Variants in FRMPD4 observed in about 807,000 individuals in gnomAD.
FRMPD4 encodes FERM and PDZ domain containing 4.
A neutral mutation model predicts 94.1 loss-of-function variants in FRMPD4; 22 were observed. The ratio of observed to expected loss-of-function variants is 0.23; its 90% CI spans 0.17 to 0.33. The LOEUF is 0.33. Ranked by LOEUF, FRMPD4 falls within the 10% of genes least tolerant of loss-of-function variation. FRMPD4 has a pLI of 1.00. For synonymous variants in FRMPD4, 631 were observed against 548.6 expected, an observed-to-expected ratio of 1.15 and a Z score of -2.10; for missense variants, 1,111 against 1,339.9, an observed-to-expected ratio of 0.83 and a Z score of 2.67.
chrX:12,612,018 C>T (rs897061913), intron 3 of FRMPD4, among the ~76,000 whole-genome samples: 1 of 110,888 alleles, frequency 9.0e-6, no homozygotes, highest in South Asian at 3.8e-4. Context: ...TCCGTGCATA[C>T]ACAAACACAC....
intron 1 of FRMPD4, among the ~76,000 whole-genome samples, chrX:12,229,921 G>T (rs2056965249): frequency 8.9e-6 from 1 of 112,293 alleles, no homozygotes; most frequent in African/African-American, 3.2e-5. Context: ...TTTGCAGTAT[G>T]TATTGACCTC....
At chrX:12,349,838 A>G (rs755615390) in intron 1 of FRMPD4, among the ~76,000 whole-genome samples, 11 of 111,817 alleles carry the variant, frequency 9.8e-5, no homozygotes, top group Non-Finnish European at 2.1e-4. Context: ...ATTTCCTCGT[A>G]TTTCATAGTC....
At chrX:12,603,325 A>G (rs1468997046) in intron 2 of FRMPD4, among the ~76,000 whole-genome samples, 1 of 111,971 alleles carries the variant, frequency 8.9e-6, no homozygotes, top group Non-Finnish European at 1.9e-5. Flanking sequence ...TTTGAAAAGG[A>G]CTTTGCTGGC....
chrX:12,173,063 T>C (rs772770307), intron 1 of FRMPD4, among the ~76,000 whole-genome samples: 2 of 112,782 alleles, frequency 1.8e-5, no homozygotes, highest in South Asian at 7.3e-4. Context: ...GCTGCAGCTC[T>C]TGGTTTCAAA....
At chrX:12,384,433 A>G (rs1297724516) in intron 1 of FRMPD4, among the ~76,000 whole-genome samples, 1 of 111,430 alleles carries the variant, frequency 9.0e-6, no homozygotes, top group Non-Finnish European at 1.9e-5. Flanking sequence ...TGGGAAGATC[A>G]CTTGAGCCCA....
At chrX:11,879,512 A>G (rs760605603) in intron 3 of FRMPD4, among the ~76,000 whole-genome samples, 28 of 111,319 alleles carry the variant, frequency 2.5e-4, no homozygotes, top group Non-Finnish European at 4.3e-4. Flanking sequence ...CTTGACTATT[A>G]TAGCATCTAT....
intron 2 of FRMPD4, among the ~76,000 whole-genome samples, chrX:12,522,534 A>G (rs1602066247): frequency 1.8e-5 from 2 of 109,857 alleles, no homozygotes; most frequent in African/African-American, 6.7e-5. Flanking sequence ...GAAGATTACA[A>G]TTTATAAACT....
chrX:12,396,662 C>A lies in FRMPD4; in HGVS notation c.42-102018C>A, dbSNP rs1350675761. Among the ~76,000 whole-genome samples, 18 of 111,859 alleles carry A rather than the reference C, an allele frequency of 1.6e-4. No homozygotes were observed. In the Admixed American group the frequency reaches 1.7e-3, roughly 11 times the overall value. The stretch of plus-strand genomic sequence containing the variant: ...AAACATTTTTAGGATTTAAATACAT[C>A]TATATATACATACATGCATACATAG... On this transcript the variant is annotated intron_variant, in intron 1 of 16. Coordinates refer to ENST00000675598, the MANE Select transcript of FRMPD4 (RefSeq NM_001368397.1).
chrX:12,420,212 CCTCA>C (rs1358602251), intron 1 of FRMPD4, among the ~76,000 whole-genome samples: 11 of 111,669 alleles, frequency 9.9e-5, no homozygotes, highest in African/African-American at 3.6e-4. Flanking sequence ...TGTCTTAAAC[CCTCA>C]CTGTCTTTCA....
At chrX:11,903,773 G>T (rs2053951790) in intron 3 of FRMPD4, among the ~76,000 whole-genome samples, 1 of 111,363 alleles carries the variant, frequency 9.0e-6, no homozygotes, top group Non-Finnish European at 1.9e-5. Context: ...AATATGTCCT[G>T]CTGGGATTTT....
chrX:12,137,289 T>A (rs1424237947), upstream of FRMPD4, among the ~76,000 whole-genome samples: 1 of 112,887 alleles, frequency 8.9e-6, no homozygotes, highest in Non-Finnish European at 1.9e-5. Context: ...ATTTATTTTA[T>A]GTTCAGTTTT....
At chrX:12,692,339 C>G (rs989382880) in intron 8 of FRMPD4, among the ~76,000 whole-genome samples, 12 of 112,247 alleles carry the variant, frequency 1.1e-4, no homozygotes, top group African/African-American at 3.2e-4. Flanking sequence ...ATTTAAATAT[C>G]CTGAAACAAA....
chrX:12,351,057 A>G (rs770194568), intron 1 of FRMPD4, among the ~76,000 whole-genome samples: 12 of 110,291 alleles, frequency 1.1e-4, no homozygotes, highest in Non-Finnish European at 1.9e-4. Flanking sequence ...GCCTGTAATC[A>G]GCTACTCGGG....
intron 1 of FRMPD4, among the ~76,000 whole-genome samples, chrX:12,306,093 A>C (rs964937775): frequency 6.4e-5 from 7 of 108,965 alleles, no homozygotes; most frequent in Middle Eastern, 4.7e-3. Flanking sequence ...AAAAAAAAAA[A>C]AAAACAAAAC....
In FRMPD4 at chrX:11,910,010, G is replaced by A. The variant is rs1179934074; in HGVS notation, c.95+31992G>A. On this transcript the variant is annotated intron_variant, in intron 3 of 18. Transcript: ENST00000640291. ...AAAGTATGTTCTTGTTTGTTGGATG[G>A]AATTTATATCAAGTTGGTTAATAGT... Among the ~76,000 whole-genome samples the A allele has an allele frequency of 1.8e-5, 2 of 111,621 alleles. 1 individual carries two copies. The highest frequency in any genetic ancestry group is 7.5e-4 in the South Asian group (2 of 2,684).
At chrX:12,001,106 A>T (rs2147405357) in intron 3 of FRMPD4, among the ~76,000 whole-genome samples, 1 of 112,120 alleles carries the variant, frequency 8.9e-6, no homozygotes, top group Admixed American at 9.5e-5. Flanking sequence ...CCTTTCTAAA[A>T]TCAGAAGAAA....
chrX:12,112,628 T>G (rs1038149791), intron 3 of FRMPD4, among the ~76,000 whole-genome samples: 6 of 111,919 alleles, frequency 5.4e-5, no homozygotes, highest in Non-Finnish European at 1.9e-5. Flanking sequence ...GAGTATTATT[T>G]TCATTTTATA....
At chrX:12,049,017 T>TA (rs764092219) in intron 3 of FRMPD4, among the ~76,000 whole-genome samples, 11 of 111,657 alleles carry the variant, frequency 9.9e-5, no homozygotes, top group Non-Finnish European at 1.7e-4. Flanking sequence ...TCTAATTCTG[T>TA]AAAAAAATGA....
chrX:12,301,472 G>A (rs1438703722), intron 1 of FRMPD4, among the ~76,000 whole-genome samples: 2 of 111,231 alleles, frequency 1.8e-5, no homozygotes, highest in Non-Finnish European at 3.8e-5. Context: ...TCTCACACAG[G>A]TTCTTCTTTC....
Sources: gnomAD v4.1 joint callset for allele counts (sites outside exome capture counted in the v4.1 genomes callset) on GRCh38, gnomAD v4.1.1 for gene constraint, MANE v1.5 for transcripts, NCBI Gene and HGNC (gene_info 2026-07-23, HGNC 2026-07-21) for gene names.